NAV3: variants seen among roughly 807,000 people sequenced by gnomAD.
NAV3 encodes the protein pore membrane and/or filament interacting like protein 1.
Under a neutral mutation model 244.7 loss-of-function variants are expected in NAV3, and 87 were observed. The ratio of observed to expected loss-of-function variants is 0.36; its 90% CI spans 0.30 to 0.42. NAV3 has a LOEUF of 0.42. NAV3 is among the 20% of genes least tolerant of loss of function. NAV3 has a pLI of 1.00. For missense variants in NAV3, 2,663 were observed against 2,893.3 expected, an observed-to-expected ratio of 0.92 and a Z score of 1.83; for synonymous variants, 1,126 against 1,042.2, an observed-to-expected ratio of 1.08 and a Z score of -1.55.
At chr12:77,940,054 T>C (rs572675905) in intron 1 of NAV3, among the ~76,000 whole-genome samples, 2 of 152,286 alleles carry the variant, frequency 1.3e-5, no homozygotes, top group Admixed American at 1.3e-4. Flanking sequence ...GTTTCCTCAG[T>C]AGTCATCCCA....
intron 1 of NAV3, among the ~76,000 whole-genome samples, chr12:77,880,754 A>G (rs1178488558): frequency 6.6e-6 from 1 of 152,136 alleles, no homozygotes; most frequent in Non-Finnish European, 1.5e-5. Flanking sequence ...TGCCTATGCT[A>G]TTTAGTCACA....
chr12:78,179,390 C>T (rs1376327019), intron 28 of NAV3, 139 bp from the exon 29 acceptor site: 2 of 912,638 alleles, frequency 2.2e-6, no homozygotes, highest in African/African-American at 3.4e-5. Flanking sequence ...ACTCCTTCTC[C>T]TTTTCTCTAG....
intron 12 of NAV3, among the ~76,000 whole-genome samples, chr12:78,068,324 TATC>T (rs1885272177): frequency 6.6e-6 from 1 of 151,636 alleles, no homozygotes; most frequent in African/African-American, 2.4e-5. Context: ...TAAAGGTTTT[TATC>T]ATGCCTGGAT....
chr12:77,698,839 GATTCACCTATCC>G (rs1875430930), intron 2 of NAV3, among the ~76,000 whole-genome samples: 1 of 152,072 alleles, frequency 6.6e-6, no homozygotes, highest in Non-Finnish European at 1.5e-5. Context: ...ATTTTAAAAT[GATTCACCTATCC>G]ATCAACCCTA....
chr12:77,657,049 C>T (rs1377591616), intron 2 of NAV3, among the ~76,000 whole-genome samples: 3 of 152,110 alleles, frequency 2.0e-5, no homozygotes, highest in Non-Finnish European at 4.4e-5. Context: ...ATTAAAAGAA[C>T]TAGAAAAGCA....
At chr12:77,940,620 TA>T (rs1436009040) in intron 2 of NAV3, among the ~76,000 whole-genome samples, 184 bp downstream of exon 2, 1 of 152,230 alleles carries the variant, frequency 6.6e-6, no homozygotes. Flanking sequence ...GCCATACTTT[TA>T]AATAACTAGA....
At chr12:77,805,148 A>G (rs1871907580) in intron 2 of NAV3, among the ~76,000 whole-genome samples, 1 of 152,182 alleles carries the variant, frequency 6.6e-6, no homozygotes, top group Non-Finnish European at 1.5e-5. Flanking sequence ...TCCTACTTGA[A>G]TACCCTTTAT....
chr12:77,968,417 C>A, intron 4 of NAV3, 102 bp from the exon 5 acceptor site: 1 of 911,580 alleles, frequency 1.1e-6, no homozygotes, highest in South Asian at 1.5e-5. Flanking sequence ...TAAGTTGTAT[C>A]TCTGTCTTCA....
chr12:78,158,741 C>G (rs767836902), intron 22 of NAV3, among the ~76,000 whole-genome samples: 2 of 152,142 alleles, frequency 1.3e-5, no homozygotes, highest in East Asian at 3.9e-4. Context: ...CTTGATGGAG[C>G]GTATCATTAC....
At chr12:77,987,652 G>GA (rs202174420) in intron 5 of NAV3, among the ~76,000 whole-genome samples, 16 of 149,506 alleles carry the variant, frequency 1.1e-4, no homozygotes, top group South Asian at 2.1e-4. Context: ...AACTAAGAAT[G>GA]AAAAAAAAAA....
intron 11 of NAV3, among the ~76,000 whole-genome samples, chr12:78,054,557 G>T (rs2137322168): frequency 6.6e-6 from 1 of 152,222 alleles, no homozygotes; most frequent in East Asian, 1.9e-4. Context: ...GAAACTCGGG[G>T]GTTCAATTTC....
At chr12:77,872,731 T>G (rs754570759) in intron 1 of NAV3, among the ~76,000 whole-genome samples, 1 of 152,230 alleles carries the variant, frequency 6.6e-6, no homozygotes, top group African/African-American at 2.4e-5. Context: ...CTTTGTGAAC[T>G]TTTACATTTC....
intron 1 of NAV3, among the ~76,000 whole-genome samples, chr12:77,861,962 A>G (rs577569039): frequency 6.6e-6 from 1 of 151,964 alleles, no homozygotes; most frequent in East Asian, 1.9e-4. Flanking sequence ...TGTCTAAAAT[A>G]CCTTTAAAAT....
chr12:78,060,468 GCATGTGTAT>G (rs1884167539), intron 12 of NAV3, among the ~76,000 whole-genome samples: 4 of 102,916 alleles, frequency 3.9e-5, no homozygotes, highest in Non-Finnish European at 6.4e-5. Flanking sequence ...TGGGTGTGAA[GCATGTGTAT>G]GTGTGTGTGT....
chr12:77,574,811 C>G (rs1229772820), intron 2 of NAV3, among the ~76,000 whole-genome samples: 1 of 151,910 alleles, frequency 6.6e-6, no homozygotes, highest in African/African-American at 2.4e-5. Context: ...AGTACAAACT[C>G]TTAGGATCCT....
At chr12:78,100,918 A>G (rs1317986349) in intron 12 of NAV3, among the ~76,000 whole-genome samples, 2 of 152,026 alleles carry the variant, frequency 1.3e-5, no homozygotes, top group Non-Finnish European at 2.9e-5. Flanking sequence ...TTTAGTCTTC[A>G]TTTTCCTGAT....
At chr12:78,061,162 T>C (rs1052883499) in intron 12 of NAV3, among the ~76,000 whole-genome samples, 2 of 152,186 alleles carry the variant, frequency 1.3e-5, no homozygotes, top group African/African-American at 2.4e-5. Context: ...TATCTCAAGG[T>C]AAGGCCTGGT....
chr12:77,580,541 A>G (rs1869314784), intron 2 of NAV3, among the ~76,000 whole-genome samples: 1 of 152,220 alleles, frequency 6.6e-6, no homozygotes, highest in Non-Finnish European at 1.5e-5. Context: ...CAAAGACTTT[A>G]TTTCCCTTAG....
chr12:77,886,035 G>A (rs1883244488), intron 1 of NAV3, among the ~76,000 whole-genome samples: 1 of 152,036 alleles, frequency 6.6e-6, no homozygotes, highest in African/African-American at 2.4e-5. Context: ...CTGCCCTAGT[G>A]TCAATTATTA....
Sources: allele counts gnomAD v4.1 joint callset (sites outside exome capture counted in the v4.1 genomes callset), GRCh38; gene constraint gnomAD v4.1.1; transcripts MANE v1.5; gene names NCBI Gene and HGNC (gene_info 2026-07-23, HGNC 2026-07-21).